The following MKLN1 variants were observed in gnomAD, a reference collection of about 807,000 sequenced individuals.
MKLN1 encodes the protein muskelin 1.
A neutral mutation model predicts 99.0 loss-of-function variants in MKLN1; 18 were observed. The observed-to-expected ratio is 0.18, with a 90% CI of 0.13 to 0.27. The LOEUF (loss-of-function observed/expected upper bound fraction) is 0.27. Among genes scored for constraint, MKLN1 ranks in the 10% least tolerant of loss-of-function variants. MKLN1 has a pLI of 1.00. For missense variants in MKLN1, 621 were observed against 875.9 expected, an observed-to-expected ratio of 0.71 and a Z score of 3.67; for synonymous variants, 288 against 293.2, an observed-to-expected ratio of 0.98 and a Z score of 0.18.
At chr7:131,429,472 T>C (rs1017649562) in intron 9 of MKLN1, among the ~76,000 whole-genome samples, 1 of 152,234 alleles carries the variant, frequency 6.6e-6, no homozygotes, top group African/African-American at 2.4e-5. Context: ...TCTATTCTTA[T>C]TTTTAACATT....
intron 15 of MKLN1, among the ~76,000 whole-genome samples, chr7:131,469,413 A>G (rs1796756090): frequency 6.6e-6 from 1 of 152,112 alleles, no homozygotes; most frequent in South Asian, 2.1e-4. Flanking sequence ...AATTCTGCCA[A>G]ACTACTTTAT....
chr7:131,416,825 A>G (rs994958844), intron 8 of MKLN1, among the ~76,000 whole-genome samples: 1 of 151,944 alleles, frequency 6.6e-6, no homozygotes, highest in Non-Finnish European at 1.5e-5. Flanking sequence ...TCTATAAGAA[A>G]TAAAAAAATC....
chr7:131,229,803 C>T (rs987816001), intron 3 of MKLN1, among the ~76,000 whole-genome samples: 3 of 152,082 alleles, frequency 2.0e-5, no homozygotes, highest in South Asian at 2.1e-4. Flanking sequence ...ATCCTCCTGC[C>T]TCAGCCTCCC....
chr7:131,192,553 A>T (rs1311742636), intron 2 of MKLN1, among the ~76,000 whole-genome samples: 12 of 143,886 alleles, frequency 8.3e-5, no homozygotes, highest in African/African-American at 2.6e-4. Flanking sequence ...TATTATATAT[A>T]TTTTTTGAGA....
intron 3 of MKLN1, among the ~76,000 whole-genome samples, chr7:131,313,089 A>T (rs1798598372): frequency 6.6e-6 from 1 of 152,248 alleles, no homozygotes; most frequent in African/African-American, 2.4e-5. Flanking sequence ...AGACAGTATA[A>T]ACCAGTCTAA....
chr7:131,192,120 C>CAT (rs1225608799), intron 2 of MKLN1, among the ~76,000 whole-genome samples: 1 of 72,910 alleles, frequency 1.4e-5, no homozygotes, highest in African/African-American at 6.3e-5. Flanking sequence ...TATATATATA[C>CAT]GTATATATAT....
chr7:131,464,503 A>G (rs771986436), intron 14 of MKLN1, 95 bp downstream of exon 14: 6 of 659,744 alleles, frequency 9.1e-6, no homozygotes, highest in Non-Finnish European at 1.6e-5. Flanking sequence ...GGATTTGAGT[A>G]AAAAGTTAAA....
intron 3 of MKLN1, among the ~76,000 whole-genome samples, chr7:131,316,544 C>T (rs1381683188): frequency 6.6e-6 from 1 of 152,144 alleles, no homozygotes; most frequent in Non-Finnish European, 1.5e-5. Flanking sequence ...CAGAATGCCT[C>T]CTCTCCTCCA....
chr7:131,363,725 A>G (rs1312678241), intron 1 of MKLN1, among the ~76,000 whole-genome samples: 3 of 150,826 alleles, frequency 2.0e-5, no homozygotes, highest in African/African-American at 7.3e-5. Context: ...ATTTTCAGAG[A>G]GGTGATTTTT....
intron 17 of MKLN1, among the ~76,000 whole-genome samples, chr7:131,484,848 ATGT>A (rs1179730967): frequency 1.3e-5 from 2 of 151,982 alleles, no homozygotes; most frequent in East Asian, 3.9e-4. Flanking sequence ...AGTACATATG[ATGT>A]TGCTGGGAGT....
Position 131,466,413 on chromosome 7 carries a change from C to T in MKLN1, c.1926C>T (p.His642=), listed in dbSNP as rs1796662374. 6.4e-7 allele frequency: 1 copy of T among 1,564,120 alleles called. No individual in the cohort carries two copies. Among genetic ancestry groups the T allele is most frequent in the African/African-American group, 1.4e-5 (1 of 73,558 alleles). ...ATTGCAAGTACCTCATAAGAAAACA[C>T]AGGTATGAAAATAATTCACTGAAAA... is the stretch of plus-strand genomic sequence containing the variant. The part of the protein sequence containing the change: ...LRHCKYLIRK[H]RFEEKAQVDP... Residue 642 remains histidine, a splice_region_variant and synonymous_variant, in exon 15 of 18, where the codon CAC becomes CAT. Transcript: ENST00000352689.
intron 2 of MKLN1, among the ~76,000 whole-genome samples, chr7:131,179,399 C>T (rs918791964): frequency 1.3e-5 from 2 of 152,122 alleles, no homozygotes; most frequent in Non-Finnish European, 2.9e-5. Context: ...CTAAAGTCCA[C>T]ATGGAGAAGA....
At chr7:131,207,595 A>G (rs1033384144) in intron 3 of MKLN1, among the ~76,000 whole-genome samples, 31 of 152,162 alleles carry the variant, frequency 2.0e-4, no homozygotes, top group African/African-American at 7.0e-4. Context: ...TTTACTACAG[A>G]TTCAAACTTC....
In MKLN1 at chr7:131,202,146, C is replaced by CTTTTT. The variant is rs58800874; in HGVS notation, c.-296-683_-296-679dup. Among the ~76,000 whole-genome samples the CTTTTT allele has an allele frequency of 1.3e-3, 77 of 60,268 alleles. 5 individuals carry two copies. The highest frequency in any genetic ancestry group is 1.7e-3 in the Non-Finnish European group (52 of 31,388). 39.5% of individuals were successfully genotyped at this position (60,268 alleles called of 152,430 possible). ...GGTTTCTCCACTTTGGCACTATTGA[C>CTTTTT]TTTTTTTTTTTTTTTTTTTTTTTTT... On this transcript the variant is annotated intron_variant, in intron 2 of 7. Coordinates refer to the MKLN1 transcript ENST00000416992.
chr7:131,422,029 G>A (rs375761694), intron 8 of MKLN1, among the ~76,000 whole-genome samples: 2 of 152,274 alleles, frequency 1.3e-5, no homozygotes, highest in East Asian at 3.9e-4. Context: ...TCTAAGTAGA[G>A]TTTGAACAAC....
chr7:131,237,854 A>G (rs1310404492), intron 3 of MKLN1, among the ~76,000 whole-genome samples: 1 of 152,182 alleles, frequency 6.6e-6, no homozygotes, highest in African/African-American at 2.4e-5. Context: ...CATCAAAAAT[A>G]ACTAAAGGGT....
chr7:131,217,436 G>A (rs1297805660), intron 3 of MKLN1, among the ~76,000 whole-genome samples: 2 of 152,212 alleles, frequency 1.3e-5, no homozygotes, highest in Admixed American at 1.3e-4. Context: ...AGTGGCTCAC[G>A]CCTGTAATCC....
intron 2 of MKLN1, among the ~76,000 whole-genome samples, chr7:131,196,892 A>G (rs1376666775): frequency 2.0e-5 from 3 of 152,172 alleles, no homozygotes; most frequent in Admixed American, 6.6e-5. Context: ...ATAGATGTAT[A>G]CATATACACC....
chr7:131,118,016 C>A (rs914389766), intron 1 of MKLN1, among the ~76,000 whole-genome samples: 5 of 152,156 alleles, frequency 3.3e-5, no homozygotes, highest in African/African-American at 1.2e-4. Flanking sequence ...GAAGTGTAAT[C>A]CCCAATGTTG....
Sources: allele counts gnomAD v4.1 joint callset (sites outside exome capture counted in the v4.1 genomes callset), GRCh38; gene constraint gnomAD v4.1.1; transcripts MANE v1.5; gene names NCBI Gene and HGNC (gene_info 2026-07-23, HGNC 2026-07-21).